The following ARPC1B variants were observed in gnomAD, a reference collection of about 807,000 sequenced individuals.
ARPC1B encodes the protein actin-related protein 2/3 complex subunit 1B.
A neutral mutation model predicts 46.0 loss-of-function variants in ARPC1B; 29 were observed. The observed-to-expected ratio is 0.63, with a 90% CI of 0.47 to 0.86. The LOEUF is 0.86. Ranked by LOEUF, ARPC1B falls within the 40% of genes least tolerant of loss-of-function variation. The pLI is 0.00. For synonymous variants in ARPC1B, 201 were observed against 213.9 expected (o/e 0.94, Z 0.53); for missense variants, 469 against 529.4 (o/e 0.89, Z 1.12).
At chr7:99,382,271 C>T (rs1259493197) in intron 1 of ARPC1B, among the ~76,000 whole-genome samples, 1 of 152,010 alleles carries the variant, frequency 6.6e-6, no homozygotes, top group African/African-American at 2.4e-5. Context: ...AACCCTGTCT[C>T]TACTAAAAAT....
At chr7:99,381,272 GCT>G (rs149253015) in intron 1 of ARPC1B, among the ~76,000 whole-genome samples, 8 of 152,288 alleles carry the variant, frequency 5.3e-5, no homozygotes, top group Middle Eastern at 3.4e-3. Flanking sequence ...GACACAGTGC[GCT>G]TGCGTGTGTG....
chr7:99,386,798 G>A lies in ARPC1B; in HGVS notation c.169+9G>A. 2.5e-6 allele frequency: 4 copies of A among 1,608,002 alleles called. No individual in the cohort carries two copies. Among genetic ancestry groups the A allele is most frequent in the Non-Finnish European group, 3.4e-6 (4 of 1,175,262 alleles). On this transcript the variant is annotated intron_variant, in intron 3 of 9. Coordinates refer to ENST00000646101, the MANE Select transcript of ARPC1B (RefSeq NM_005720.4). ...CAACGGGCAGGTGACAGGTATGTCA[G>A]GGTGGCTGGGACCACCGTCCTGAAA...
chr7:99,383,865 C>T (rs1794299183), intron 1 of ARPC1B, among the ~76,000 whole-genome samples: 3 of 152,200 alleles, frequency 2.0e-5, no homozygotes, highest in African/African-American at 7.2e-5. Flanking sequence ...GTAACCGCCT[C>T]GTGGTTCCTC....
chr7:99,376,061 CA>C (rs1055447800), intron 1 of ARPC1B, among the ~76,000 whole-genome samples: 9,613 of 96,146 alleles, frequency 0.1, 387 homozygotes, highest in African/African-American at 0.16. Flanking sequence ...GACTCCGTCT[CA>C]AAAAAAAAAA....
In ARPC1B at chr7:99,390,078, A is replaced by C. The variant is rs533894333; in HGVS notation, c.500+66A>C. The C allele has an allele frequency of 7.5e-5, 107 of 1,434,544 alleles. No homozygotes were observed. The African/African-American group carries it at 1.3e-3, about 17-fold the overall frequency. 88.9% of individuals were successfully genotyped at this position (1,434,544 alleles called of 1,614,324 possible). On this transcript the variant is annotated intron_variant, in intron 5 of 9. Transcript: ENST00000646101. ...ACTGACTGCTGACATCATAGCGGGG[A>C]GCCGCACCTGAAAGCTCTACACCCC...
At chr7:99,375,061 G>A (rs1011726300) in intron 1 of ARPC1B, among the ~76,000 whole-genome samples, 47 of 151,348 alleles carry the variant, frequency 3.1e-4, no homozygotes, top group African/African-American at 1.1e-3. Context: ...GGGGCGCGGG[G>A]GTGGCCGCAG....
Position 99,374,879 on chromosome 7 carries a change from C to T in ARPC1B, c.-14+98C>T, listed in dbSNP as rs547901598. ...GGGCGCCGCCTGGGAGTGAGCGGGA[C>T]TGGAGGGATGAGAGGGGGTGCAAGG... On this transcript the variant is annotated intron_variant, in intron 1 of 9. Transcript: ENST00000646101. This position sits in a 1 kb window ranked among gnomAD's most constrained non-coding sequence, Gnocchi z 5.0. 2.7e-5 allele frequency: 4 copies of T among 147,226 alleles called. No individual in the cohort carries two copies. Among genetic ancestry groups the T allele is most frequent in the African/African-American group, 1.0e-4 (4 of 39,418 alleles). 9.1% of individuals were successfully genotyped at this position (147,226 alleles called of 1,614,324 possible). A position where few individuals can be genotyped will look rare whatever the true frequency, so the allele number is the denominator to read the frequency against.
intron 8 of ARPC1B, among the ~76,000 whole-genome samples, chr7:99,393,658 ACCT>A (rs1794658187): frequency 1.3e-5 from 2 of 149,580 alleles, no homozygotes; most frequent in African/African-American, 4.9e-5. Flanking sequence ...GGTCTGTAAA[ACCT>A]CCTGTGTCCG....
chr7:99,382,425 CT>C (rs1049144209), intron 1 of ARPC1B, among the ~76,000 whole-genome samples: 52 of 144,958 alleles, frequency 3.6e-4, no homozygotes, highest in African/African-American at 1.3e-3. Flanking sequence ...AAAAAGGATA[CT>C]TTTTTTTCTA....
At position 99,392,737 on chromosome 7, in the gene ARPC1B, C is replaced by T; in HGVS notation, c.850C>T (p.Arg284Trp). 6.5e-7 allele frequency: 1 copy of T among 1,548,554 alleles called. No homozygotes were observed. Among genetic ancestry groups the T allele is most frequent in the Non-Finnish European group, 8.7e-7 (1 of 1,145,752 alleles). Residue 284 changes from arginine to tryptophan, a missense_variant, in exon 8 of 10, where the codon CGG becomes TGG. Arg to Trp is a moderately radical substitution (Grantham distance 101, BLOSUM62 -3). Transcript: ENST00000646101. ...AAAGMLSFGG[R>W]LDVPKQSSQR... ...CGCGGGGATGCTGAGCTTCGGCGGGCGGCTGGACGTTCCTAAGCAGAGCTC... is the reference window on the plus strand; with the variant it reads ...CGCGGGGATGCTGAGCTTCGGCGGGTGGCTGGACGTTCCTAAGCAGAGCTC...
chr7:99,385,912 C>T, intron 2 of ARPC1B, 134 bp downstream of exon 2: 1 of 898,940 alleles, frequency 1.1e-6, no homozygotes, highest in South Asian at 1.6e-5. Context: ...CCTGGCCTCA[C>T]CCCTGGGTCT....
In ARPC1B at chr7:99,391,060, A is replaced by G; in HGVS notation, c.668A>G (p.Asp223Gly). ...SGSRVAWVSH[D>G]STVCLADADK... Reference sequence around the variant, plus strand: ...AGCCGCGTGGCCTGGGTAAGCCACGACAGCACCGTCTGCCTGGCTGATGCC... The same window carrying G: ...AGCCGCGTGGCCTGGGTAAGCCACGGCAGCACCGTCTGCCTGGCTGATGCC... Residue 223 changes from aspartate to glycine, a missense_variant, in exon 6 of 10, where the codon GAC becomes GGC. Transcript: ENST00000646101. 2.5e-6 allele frequency: 4 copies of G among 1,613,944 alleles called. No individual in the cohort carries two copies. Among genetic ancestry groups the G allele is most frequent in the Non-Finnish European group, 3.4e-6 (4 of 1,179,956 alleles).
At position 99,394,586 on chromosome 7, in the gene ARPC1B, C is replaced by T. The variant is rs2150900398; in HGVS notation, c.*97C>T. 2 of 1,592,578 alleles carry T rather than the reference C, an allele frequency of 1.3e-6. No homozygotes were observed. The highest frequency in any genetic ancestry group is 1.1e-5 in the South Asian group (1 of 88,472). On this transcript the variant is annotated 3_prime_UTR_variant, in exon 10 of 10. Coordinates refer to ENST00000646101, the MANE Select transcript of ARPC1B (RefSeq NM_005720.4). ...TGCTTTGCTGAATGTTTCTGGGGTACCAATACGAGTTCCCATAGGGGCTGC... is the reference window on the plus strand; with the variant it reads ...TGCTTTGCTGAATGTTTCTGGGGTATCAATACGAGTTCCCATAGGGGCTGC...
At chr7:99,389,019 C>G (rs1451333038) in intron 4 of ARPC1B, 2 of 151,270 alleles carry the variant, frequency 1.3e-5, no homozygotes, top group African/African-American at 4.9e-5. Context: ...TCACCGCAAC[C>G]TCTGCCTCCC....
At chr7:99,385,827 TG>T in intron 2 of ARPC1B, 49 bp downstream of exon 2, 2 of 1,559,258 alleles carry the variant, frequency 1.3e-6, no homozygotes. Flanking sequence ...CCTCCTGGGA[TG>T]GGGACCAGCC....
At chr7:99,382,420 GGA>G (rs1562812124) in intron 1 of ARPC1B, among the ~76,000 whole-genome samples, 1 of 136,240 alleles carries the variant, frequency 7.3e-6, no homozygotes, top group African/African-American at 3.0e-5. Context: ...AAAAAAAAAA[GGA>G]TACTTTTTTT....
At chr7:99,385,478 C>T (rs1340230624) in intron 1 of ARPC1B, among the ~76,000 whole-genome samples, 1 of 152,116 alleles carries the variant, frequency 6.6e-6, no homozygotes, top group Non-Finnish European at 1.5e-5. Flanking sequence ...GAAAGCTGCC[C>T]TTTTATAAGG....
At chr7:99,375,293 G>T (rs992953555) in intron 1 of ARPC1B, among the ~76,000 whole-genome samples, 1 of 152,120 alleles carries the variant, frequency 6.6e-6, no homozygotes, top group Non-Finnish European at 1.5e-5. Context: ...GGTTGCAGCC[G>T]CCGGGAAATG....
At position 99,389,896 on chromosome 7, in the gene ARPC1B, C is replaced by G. The variant is rs1016426929; in HGVS notation, c.393-9C>G. On this transcript the variant is annotated splice_polypyrimidine_tract_variant and intron_variant, in intron 4 of 9. Transcript: ENST00000646101. ...CCTCTCTCCCTGTCTGCCTGACCAC[C>G]GTTCCCAGGTGGGTTTGCAAGCACA... The G allele has an allele frequency of 6.2e-7, 1 of 1,612,684 alleles. No individual in the cohort carries two copies. Among genetic ancestry groups the G allele is most frequent in the Non-Finnish European group, 8.5e-7 (1 of 1,178,758 alleles).
Sources: gnomAD v4.1 joint callset for allele counts (sites outside exome capture counted in the v4.1 genomes callset) on GRCh38, gnomAD v4.1.1 for gene constraint, Gnocchi (gnomAD v3.1) non-coding constraint, MANE v1.5 for transcripts, NCBI Gene and HGNC (gene_info 2026-07-23, HGNC 2026-07-21) for gene names.